ZBTB47: variants seen among roughly 807,000 people sequenced by gnomAD.
ZBTB47 encodes the protein zinc finger and BTB domain containing 47.
A neutral mutation model predicts 56.6 loss-of-function variants in ZBTB47; 24 were observed. That is an observed-to-expected ratio of 0.42 (90% CI 0.31 to 0.60). ZBTB47 has a LOEUF of 0.60. Among genes scored for constraint, ZBTB47 ranks in the 20% least tolerant of loss-of-function variants. ZBTB47 has a pLI of 0.14. For missense variants in ZBTB47, 829 were observed against 1,032.6 expected, an observed-to-expected ratio of 0.80 and a Z score of 2.70; for synonymous variants, 414 against 418.9, an observed-to-expected ratio of 0.99 and a Z score of 0.14.
intron 1 of ZBTB47, 133 bp from the exon 2 acceptor site, chr3:42,658,142 C>A: frequency 1.0e-6 from 1 of 986,998 alleles, no homozygotes; most frequent in Non-Finnish European, 1.4e-6. Flanking sequence ...AGTTTCGGCT[C>A]TGTTGCTGTA....
intron 3 of ZBTB47, among the ~76,000 whole-genome samples, chr3:42,662,253 G>A (rs184379249): frequency 3.3e-5 from 5 of 152,228 alleles, no homozygotes; most frequent in Non-Finnish European, 5.9e-5. Flanking sequence ...GGGCCTTGAG[G>A]GGGAGGGGTA....
rs1283848570 is a variant in ZBTB47 at position 42,659,464 on chromosome 3, A to T, written c.1109A>T (p.Asp370Val). Residue 370 changes from aspartate (D) to valine (V), a missense_variant, in exon 2 of 6, where the codon GAC (aspartate) becomes GTC (valine). Physicochemically the swap from Asp to Val is radical, Grantham distance 152 (BLOSUM62 -3). Transcript: ENST00000232974. Reference protein sequence around the residue: ...GPRGSRSSRADPPPHSHMATR... With the variant: ...GPRGSRSSRAVPPPHSHMATR... ...CGGGGAAGCCGAAGCAGCCGGGCAGACCCCCCTCCCCACAGTCACATGGCC... is the reference window on the plus strand; with the variant it reads ...CGGGGAAGCCGAAGCAGCCGGGCAGTCCCCCCTCCCCACAGTCACATGGCC... 14 of 1,509,490 alleles carry T rather than the reference A, an allele frequency of 9.3e-6. No individual in the cohort carries two copies. Among genetic ancestry groups the T allele is most frequent in the Non-Finnish European group, 1.1e-5 (13 of 1,135,266 alleles). 93.5% of individuals were successfully genotyped at this position (1,509,490 alleles called of 1,614,324 possible).
In ZBTB47 at chr3:42,656,732, G is replaced by A. The variant is rs1438990657; in HGVS notation, c.-81-1543G>A. ...GTGGCTCAGGGAGGCTCCTGCTGAG[G>A]CCCACGGTAGGTTTCTCATTCAGGT... On this transcript the variant is annotated intron_variant, in intron 1 of 5. Coordinates refer to ENST00000232974, the MANE Select transcript of ZBTB47 (RefSeq NM_145166.4). The surrounding 1 kb of genome is among the most constrained non-coding windows in gnomAD (Gnocchi z 5.8). Among the ~76,000 whole-genome samples, 3 of 152,044 alleles carry A rather than the reference G, an allele frequency of 2.0e-5. No individual in the cohort carries two copies. Among genetic ancestry groups the A allele is most frequent in the East Asian group, 3.9e-4 (2 of 5,166 alleles).
At chr3:42,659,883 A>G in intron 2 of ZBTB47, 55 bp downstream of exon 2, 1 of 1,518,942 alleles carries the variant, frequency 6.6e-7, no homozygotes, top group Non-Finnish European at 8.8e-7. Context: ...GGGCTAGGCC[A>G]TAACTGGGCT....
At chr3:42,662,674 G>A (rs114664823) in intron 3 of ZBTB47, among the ~76,000 whole-genome samples, 3,894 of 152,286 alleles carry the variant, frequency 0.026, 82 homozygotes, top group African/African-American at 0.056. Context: ...GCCAGTGGTC[G>A]GGCCGGGATT....
Position 42,666,539 on chromosome 3 carries a change from C to CA in ZBTB47, c.*1948dup, listed in dbSNP as rs975190162. 1.3e-5 allele frequency among the ~76,000 whole-genome samples: 2 copies of CA among 152,110 alleles called. No individual in the cohort carries two copies. Among genetic ancestry groups the CA allele is most frequent in the African/African-American group, 4.8e-5 (2 of 41,430 alleles). ...TCTTTGGAGCTGGCTCACATTTTCC[C>CA]AAAAAAAGTTGATCTCTCCCAGTGG... On this transcript the variant is annotated 3_prime_UTR_variant, in exon 6 of 6. Coordinates refer to ENST00000232974, the MANE Select transcript of ZBTB47 (RefSeq NM_145166.4).
At chr3:42,660,784 T>A (rs1381221894) in intron 2 of ZBTB47, among the ~76,000 whole-genome samples, 1 of 152,204 alleles carries the variant, frequency 6.6e-6, no homozygotes, top group Non-Finnish European at 1.5e-5. Context: ...GCTGCGCACC[T>A]GAGTCTCCCT....
At position 42,664,857 on chromosome 3, in the gene ZBTB47, T is replaced by C; in HGVS notation, c.*259T>C. On this transcript the variant is annotated 3_prime_UTR_variant, in exon 6 of 6. Coordinates refer to ENST00000232974, the MANE Select transcript of ZBTB47 (RefSeq NM_145166.4). ...TGAAGCCTTTACTTTTTTTTTTTTT[T>C]GGAAGTGAAGGAAAAAGAAACTATT... The C allele has an allele frequency of 2.8e-6, 1 of 358,460 alleles. No individual in the cohort carries two copies. The highest frequency in any genetic ancestry group is 4.9e-6 in the Non-Finnish European group (1 of 203,144). The allele number at this position is 358,460 out of a possible 1,614,324, so 22.2% of individuals were successfully genotyped here. A position where few individuals can be genotyped will look rare whatever the true frequency, so the allele number is the denominator to read the frequency against.
rs763030802 is a variant in ZBTB47, at chr3:42,661,538, C to A, written c.1527C>A (p.Asn509Lys). ...FKKLWSLHEH[N>K]KIVHGYAEKK... Reference sequence around the variant, plus strand: ...AGCTTTGGTCCCTCCATGAGCATAACAAGATTGTGCACGGCTACGCAGAGA... The same window carrying A: ...AGCTTTGGTCCCTCCATGAGCATAAAAAGATTGTGCACGGCTACGCAGAGA... The change falls in exon 3 of 6, where the codon AAC (asparagine) becomes AAA (lysine). Residue 509 changes from asparagine (N) to lysine (K), a missense_variant. Coordinates refer to ENST00000232974, the MANE Select transcript of ZBTB47 (RefSeq NM_145166.4). The A allele has an allele frequency of 6.2e-7, 1 of 1,613,936 alleles. No homozygotes were observed. The highest frequency in any genetic ancestry group is 8.5e-7 in the Non-Finnish European group (1 of 1,179,906).
intron 2 of ZBTB47, 64 bp downstream of exon 2, chr3:42,659,892 C>T: frequency 6.7e-7 from 1 of 1,497,588 alleles, no homozygotes; most frequent in East Asian, 2.4e-5. Flanking sequence ...CATAACTGGG[C>T]TCTGGGCACC....
At position 42,664,551 on chromosome 3, in the gene ZBTB47, T is replaced by A. The variant is rs1301789468; in HGVS notation, c.2197T>A (p.Phe733Ile). Residue 733 changes from phenylalanine to isoleucine, a missense_variant, in exon 6 of 6, where the codon TTC (phenylalanine) becomes ATC (isoleucine). Phe to Ile is a conservative substitution (Grantham distance 21). Around this residue, in one of 6 missense-constraint regions of ZBTB47, gnomAD observed 115 missense variants for 117.2 expected, o/e 0.98. Transcript: ENST00000232974. ...PPHLPPPPPLFPTTASPGGRM... is the reference protein window; with the variant it reads ...PPHLPPPPPLIPTTASPGGRM... ...CCACCTGCCGCCCCCGCCTCCGCTCTTCCCCACCACTGCCAGCCCCGGCGG... is the reference window on the plus strand; with the variant it reads ...CCACCTGCCGCCCCCGCCTCCGCTCATCCCCACCACTGCCAGCCCCGGCGG... 1 of 1,222,248 alleles carries A rather than the reference T, an allele frequency of 8.2e-7. No individual in the cohort carries two copies. 75.7% of individuals were successfully genotyped at this position (1,222,248 alleles called of 1,614,324 possible). A position where few individuals can be genotyped will look rare whatever the true frequency, so the allele number is the denominator to read the frequency against.
rs868006189 is a variant in ZBTB47 at position 42,659,708 on chromosome 3, G to A, written c.1353G>A (p.Leu451=). The change falls in exon 2 of 6, where the codon CTG becomes CTA. Residue 451 remains leucine (L), a synonymous_variant. Transcript: ENST00000232974. The part of the protein sequence containing the change: ...CPRVFNNRWY[L]EKHMNVTHSR... ...GAGTTTTCAACAACCGCTGGTACCT[G>A]GAGAAACACATGAATGTGACCCACA... is the stretch of plus-strand genomic sequence containing the variant. 3 of 1,613,706 alleles carry A rather than the reference G, an allele frequency of 1.9e-6. No individual in the cohort carries two copies. Among genetic ancestry groups the A allele is most frequent in the Middle Eastern group, 3.3e-4 (2 of 6,060 alleles).
chr3:42,659,572 C>G lies in ZBTB47; in HGVS notation c.1217C>G (p.Pro406Arg), dbSNP rs753983727. The change falls in exon 2 of 6, where the codon CCA (proline) becomes CGA (arginine). Residue 406 changes from proline to arginine, a missense_variant. Physicochemically the swap from Pro to Arg is moderately radical, Grantham distance 103 (BLOSUM62 -2). This residue lies in a region of ZBTB47 where 359 missense variants were observed against 359.8 expected (regional missense o/e 1.00). Coordinates refer to ENST00000232974, the MANE Select transcript of ZBTB47 (RefSeq NM_145166.4). ...CGGCGGGGTGGGAAGAGGCCAAAGC[C>G]ACCCCCTGGAGTGGCCTCTGCATCG... ...AGRRGGKRPK[P>R]PPGVASASAR... The G allele has an allele frequency of 6.3e-7, 1 of 1,595,462 alleles. No individual in the cohort carries two copies. Among genetic ancestry groups the G allele is most frequent in the Non-Finnish European group, 8.5e-7 (1 of 1,170,972 alleles).
Position 42,665,058 on chromosome 3 carries a change from T to G in ZBTB47, c.*460T>G. On this transcript the variant is annotated 3_prime_UTR_variant, in exon 6 of 6. Transcript: ENST00000232974. ...CATGTCCTCTATGCCCCTAATTTGC[T>G]TCCTCATCTTGGAGGGTTTGGGGAG... The G allele has an allele frequency of 6.5e-6, 1 of 153,750 alleles. No homozygotes were observed. Among genetic ancestry groups the G allele is most frequent in the Admixed American group, 6.5e-5 (1 of 15,326 alleles). The allele number at this position is 153,750 out of a possible 1,614,324, so 9.5% of individuals were successfully genotyped here. A position where few individuals can be genotyped will look rare whatever the true frequency, so the allele number is the denominator to read the frequency against.
At chr3:42,658,138 G>A (rs562140712) in intron 1 of ZBTB47, 137 bp from the exon 2 acceptor site, 178 of 929,904 alleles carry the variant, frequency 1.9e-4, no homozygotes, top group Non-Finnish European at 2.7e-4. Context: ...TGCTAGTTTC[G>A]GCTCTGTTGC....
chr3:42,661,724 T>C (rs1252298118), intron 3 of ZBTB47, 92 bp downstream of exon 3: 1 of 1,519,210 alleles, frequency 6.6e-7, no homozygotes, highest in Non-Finnish European at 8.9e-7. Flanking sequence ...CCAAGGGCAA[T>C]GTGAAGGGGT....
upstream of ZBTB47, among the ~76,000 whole-genome samples, chr3:42,653,236 C>T (rs1280201699): frequency 6.6e-6 from 1 of 152,228 alleles, no homozygotes; most frequent in Non-Finnish European, 1.5e-5. Flanking sequence ...GCCTAATACC[C>T]TGGTCTCTCC....
intron 3 of ZBTB47, among the ~76,000 whole-genome samples, chr3:42,662,408 GGTGTCT>G (rs1710732324): frequency 6.6e-6 from 1 of 152,194 alleles, no homozygotes; most frequent in Non-Finnish European, 1.5e-5. Context: ...AACCAGGACT[GGTGTCT>G]GTGAGCTTGA....
chr3:42,654,807 C>CCAG lies in ZBTB47; in HGVS notation c.-82+925_-82+926insAGC. 1.6e-6 allele frequency: 1 copy of CCAG among 610,360 alleles called. No individual in the cohort carries two copies. The highest frequency in any genetic ancestry group is 2.1e-6 in the Non-Finnish European group (1 of 486,806). The allele number at this position is 610,360 out of a possible 1,614,324, so 37.8% of individuals were successfully genotyped here. On this transcript the variant is annotated intron_variant, in intron 1 of 5. Transcript: ENST00000232974. The surrounding 1 kb of genome is among the most constrained non-coding windows in gnomAD (Gnocchi z 5.0). ...AGGGGCTGGAGGGATCTTCCCCCCTCCCCCGGTCTCCCGGCTCCATCTGCT... is the reference window on the plus strand; with the variant it reads ...AGGGGCTGGAGGGATCTTCCCCCCTCCAGCCCCGGTCTCCCGGCTCCATCTGCT...
Sources: gnomAD v4.1 joint callset for allele counts (sites outside exome capture counted in the v4.1 genomes callset) on GRCh38, gnomAD v4.1.1 for gene constraint, gnomAD v4.1.1 regional missense constraint, Gnocchi (gnomAD v3.1) non-coding constraint, MANE v1.5 for transcripts, NCBI Gene and HGNC (gene_info 2026-07-23, HGNC 2026-07-21) for gene names.